Variants in TRPM1 observed in about 807,000 individuals in gnomAD.
TRPM1 encodes transient receptor potential cation channel subfamily M member 1.
In TRPM1, 113 loss-of-function variants were observed where a neutral mutation model predicts 149.4. The observed-to-expected ratio is 0.76, with a 90% CI of 0.65 to 0.88. The LOEUF is 0.88. Ranked by LOEUF, TRPM1 falls within the 40% of genes least tolerant of loss-of-function variation. TRPM1 has a pLI of 0.00. For missense variants in TRPM1, 1,976 were observed against 2,038.7 expected, an observed-to-expected ratio of 0.97 and a Z score of 0.59; for synonymous variants, 741 against 759.5, an observed-to-expected ratio of 0.98 and a Z score of 0.40.
Position 31,040,086 on chromosome 15 carries a change from C to A in TRPM1, c.2316+32G>T. 6.2e-7 allele frequency: 1 copy of A among 1,602,324 alleles called. No homozygotes were observed. Among genetic ancestry groups the A allele is most frequent in the Non-Finnish European group, 8.6e-7 (1 of 1,169,484 alleles). ...GGCAGAGAGTCACTTGTCACTGTCACCCTGGCCCGCCTCGCAGCACGTTGC... is the reference window on the plus strand; with the variant it reads ...GGCAGAGAGTCACTTGTCACTGTCAACCTGGCCCGCCTCGCAGCACGTTGC... On this transcript the variant is annotated intron_variant, in intron 18 of 27. Transcript: ENST00000256552. This position sits in a 1 kb window ranked among gnomAD's most constrained non-coding sequence, Gnocchi z 4.2.
intron 14 of TRPM1, 91 bp from the exon 15 acceptor site, chr15:31,047,342 C>T: frequency 6.8e-7 from 1 of 1,475,880 alleles, no homozygotes; most frequent in Non-Finnish European, 9.4e-7. Context: ...CTGTCCTGGC[C>T]CCCACTTGGG....
Position 31,081,346 on chromosome 15 carries a change from T to C in TRPM1, c.3+7A>G. ...GGAAGGTGGAAGTGCTTTACTTAGG[T>C]ATTAACCATGAGTTTTCAAAAAGTT... On this transcript the variant is annotated splice_region_variant and intron_variant, in intron 2 of 27. Transcript: ENST00000256552. The C allele has an allele frequency of 6.6e-7, 1 of 1,507,870 alleles. No homozygotes were observed. Among genetic ancestry groups the C allele is most frequent in the Non-Finnish European group, 8.9e-7 (1 of 1,122,196 alleles). 93.4% of individuals were successfully genotyped at this position (1,507,870 alleles called of 1,614,324 possible).
chr15:31,139,915 ACTTAAT>A (rs1431668646), intron 1 of TRPM1, among the ~76,000 whole-genome samples: 5 of 152,224 alleles, frequency 3.3e-5, no homozygotes, highest in African/African-American at 7.2e-5. Context: ...TTTTTCAGTA[ACTTAAT>A]CTTAAAGTCA....
chr15:31,146,100 A>C (rs813299), intron 1 of TRPM1, among the ~76,000 whole-genome samples: 89,573 of 151,984 alleles, frequency 0.59, 27,946 homozygotes, highest in African/African-American at 0.8. Flanking sequence ...TCAGTATTAA[A>C]CTCCTTATCG....
intron 9 of TRPM1, among the ~76,000 whole-genome samples, chr15:31,062,152 G>A (rs2034251355): frequency 6.6e-6 from 1 of 152,176 alleles, no homozygotes; most frequent in African/African-American, 2.4e-5. Flanking sequence ...GATATTTGTA[G>A]GAATTAGAAT....
intron 1 of TRPM1, among the ~76,000 whole-genome samples, chr15:31,090,583 C>T (rs1334678756): frequency 2.6e-5 from 4 of 151,676 alleles, no homozygotes; most frequent in Non-Finnish European, 5.9e-5. Flanking sequence ...GTTACGGTGA[C>T]CTCAGATTGT....
intron 1 of TRPM1, among the ~76,000 whole-genome samples, chr15:31,152,412 C>T (rs558775633): frequency 6.6e-6 from 1 of 152,294 alleles, no homozygotes; most frequent in African/African-American, 2.4e-5. Flanking sequence ...TGGAAGTGGC[C>T]CACTGCAGGG....
chr15:31,024,059 T>C (rs72712214), intron 27 of TRPM1, among the ~76,000 whole-genome samples: 24,564 of 151,944 alleles, frequency 0.16, 2,257 homozygotes, highest in African/African-American at 0.24. Flanking sequence ...GTCATGAGAA[T>C]TGGTAGCTCA....
At chr15:31,115,373 C>T (rs2035785271) in intron 1 of TRPM1, among the ~76,000 whole-genome samples, 1 of 152,128 alleles carries the variant, frequency 6.6e-6, no homozygotes, top group African/African-American at 2.4e-5. Flanking sequence ...CTTTCATTCT[C>T]ACAGCACGAA....
At chr15:31,084,658 T>C (rs953581657) in intron 1 of TRPM1, among the ~76,000 whole-genome samples, 20 of 150,034 alleles carry the variant, frequency 1.3e-4, no homozygotes, top group Non-Finnish European at 2.2e-4. Flanking sequence ...TTTTCTCTCT[T>C]TCTTTCTTTT....
At chr15:31,118,438 A>G (rs930142959) in intron 1 of TRPM1, among the ~76,000 whole-genome samples, 14 of 152,180 alleles carry the variant, frequency 9.2e-5, no homozygotes, top group African/African-American at 2.4e-5. Flanking sequence ...AACATTAAGC[A>G]TGATAAATAC....
In TRPM1 at chr15:31,032,890, A is replaced by G; in HGVS notation, c.2751T>C (p.Leu917=). Reference sequence around the variant, plus strand: ...GATCTGTGATGTTCCAGTACTCCTGAAGCCAAACTTTGATTTTCTGGCTGA... The same window carrying G: ...GATCTGTGATGTTCCAGTACTCCTGGAGCCAAACTTTGATTTTCTGGCTGA... The part of the protein sequence containing the change: ...GKLSQKIKVW[L]QEYWNITDLV... The change falls in exon 22 of 28, where the codon CTT becomes CTC. Residue 917 remains leucine (L), a synonymous_variant. Transcript: ENST00000256552. The G allele has an allele frequency of 1.9e-6, 3 of 1,614,250 alleles. No individual in the cohort carries two copies. The highest frequency in any genetic ancestry group is 2.5e-6 in the Non-Finnish European group (3 of 1,180,052).
At chr15:31,093,955 T>G (rs1186859825) in intron 1 of TRPM1, among the ~76,000 whole-genome samples, 1 of 152,050 alleles carries the variant, frequency 6.6e-6, no homozygotes, top group African/African-American at 2.4e-5. Context: ...ATTTTCTGAT[T>G]TCAGAATTTC....
chr15:31,112,487 T>C (rs2035703768), intron 1 of TRPM1, among the ~76,000 whole-genome samples: 1 of 152,188 alleles, frequency 6.6e-6, no homozygotes, highest in African/African-American at 2.4e-5. Context: ...AGTTAAGGAT[T>C]GCTAACAATT....
upstream of TRPM1, among the ~76,000 whole-genome samples, chr15:31,102,938 A>G (rs2035544557): frequency 6.6e-6 from 1 of 152,158 alleles, no homozygotes; most frequent in African/African-American, 2.4e-5. Context: ...TGAGAGAGTC[A>G]CGGCTTCAGC....
In TRPM1 at chr15:31,063,164, C is replaced by A. The variant is rs2034280555; in HGVS notation, c.919G>T (p.Ala307Ser). The change falls in exon 8 of 28, where the codon GCC (alanine) becomes TCC (serine). Residue 307 changes from alanine to serine, a missense_variant. By Grantham distance (99) the Ala-to-Ser change is moderately conservative. Coordinates refer to ENST00000256552, the MANE Select transcript of TRPM1 (RefSeq NM_001252024.2). ...TGCGCAAAGGACAGGATGTCCGAGG[C>A]ACGTCCGCTGCCATCACAAATCACC... ...PVVICDGSGR[A>S]SDILSFAHKY... 10 of 1,614,104 alleles carry A rather than the reference C, an allele frequency of 6.2e-6. No individual in the cohort carries two copies. Among genetic ancestry groups the A allele is most frequent in the Middle Eastern group, 1.6e-4 (1 of 6,084 alleles).
rs1482744700 is a variant in TRPM1 at position 31,026,134 on chromosome 15, C to G, written c.3629+5G>C. ...ACGGGCCCGCGGTGGGGACGCTACA[C>G]GTACCTTTCAGAAGTGACCCGGATG... is the stretch of plus-strand genomic sequence containing the variant. On this transcript the variant is annotated splice_donor_5th_base_variant and intron_variant, in intron 27 of 27. Coordinates refer to ENST00000256552, the MANE Select transcript of TRPM1 (RefSeq NM_001252024.2). 1 of 1,610,980 alleles carries G rather than the reference C, an allele frequency of 6.2e-7. No individual in the cohort carries two copies. Among genetic ancestry groups the G allele is most frequent in the Non-Finnish European group, 8.5e-7 (1 of 1,180,020 alleles).
In TRPM1 at chr15:31,060,607, T is replaced by C; in HGVS notation, c.1200A>G (p.Ala400=). 1 of 1,614,228 alleles carries C rather than the reference T, an allele frequency of 6.2e-7. No homozygotes were observed. ...CTATGTCCACGCGGTTCCAAGCCAG[T>C]GCCAAGCTCAGCTGATCTGGAGCAG... ...NVSAPDQLSL[A]LAWNRVDIAR... is the part of the protein sequence containing the mutation. The change falls in exon 11 of 28, where the codon GCA becomes GCG. Residue 400 remains alanine (A), a synonymous_variant. Coordinates refer to ENST00000256552, the MANE Select transcript of TRPM1 (RefSeq NM_001252024.2).
intron 1 of TRPM1, among the ~76,000 whole-genome samples, chr15:31,092,396 G>C (rs2035263547): frequency 6.6e-6 from 1 of 152,164 alleles, no homozygotes; most frequent in African/African-American, 2.4e-5. Context: ...TGGGAGGCGA[G>C]TGGCACCAAA....
Sources: allele counts gnomAD v4.1 joint callset (sites outside exome capture counted in the v4.1 genomes callset), GRCh38; gene constraint gnomAD v4.1.1; non-coding constraint Gnocchi (gnomAD v3.1); transcripts MANE v1.5; gene names NCBI Gene and HGNC (gene_info 2026-07-23, HGNC 2026-07-21).